Variants in SETD1B observed in about 807,000 individuals in gnomAD.
SETD1B encodes SET domain containing 1B, histone lysine methyltransferase, also known as histone-lysine N-methyltransferase SETD1B.
A neutral mutation model predicts 148.0 loss-of-function variants in SETD1B; 7 were observed. That is an observed-to-expected ratio of 0.05 (90% CI 0.03 to 0.09). The LOEUF is 0.09. Ranked by LOEUF, SETD1B falls within the 10% of genes least tolerant of loss-of-function variation. The pLI, the probability that SETD1B is intolerant of heterozygous loss-of-function variation, is 1.00. For synonymous variants in SETD1B, 1,361 were observed against 1,186.5 expected, an observed-to-expected ratio of 1.15 and a Z score of -3.02; for missense variants, 2,155 against 2,729.9, an observed-to-expected ratio of 0.79 and a Z score of 4.69.
In SETD1B at chr12:121,810,928, T is replaced by TG; in HGVS notation, c.1890+94dup. ...AAGCATTTAGCATGACTAGCTAAGA[T>TG]GCGGAAGCAATGGGGCTAGGAAAGC... On this transcript the variant is annotated intron_variant, in intron 6 of 16. Transcript: ENST00000604567. The surrounding 1 kb of genome is among the most constrained non-coding windows in gnomAD (Gnocchi z 7.6). 7.1e-7 allele frequency: 1 copy of TG among 1,402,688 alleles called. No homozygotes were observed. Among genetic ancestry groups the TG allele is most frequent in the Middle Eastern group, 2.2e-4 (1 of 4,454 alleles). The allele number at this position is 1,402,688 out of a possible 1,614,324, so 86.9% of individuals were successfully genotyped here. A position where few individuals can be genotyped will look rare whatever the true frequency, so the allele number is the denominator to read the frequency against.
the SETD1B span, chr12:121,793,385 G>A: frequency 4.8e-6 from 7 of 1,464,014 alleles, no homozygotes; most frequent in Non-Finnish European, 6.5e-6. Context: ...GGGCGCCCCG[G>A]GGTGGCGGCC....
intron 7 of SETD1B, 50 bp from the exon 8 acceptor site, chr12:121,816,983 G>C: frequency 6.9e-7 from 1 of 1,447,234 alleles, no homozygotes; most frequent in Non-Finnish European, 9.1e-7. Flanking sequence ...CTCCCTGCAA[G>C]GGTTGGTGGT....
Position 121,804,654 on chromosome 12 carries a change from T to G in SETD1B, c.-14-70T>G. The G allele has an allele frequency of 7.2e-7, 1 of 1,386,766 alleles. No individual in the cohort carries two copies. Among genetic ancestry groups the G allele is most frequent in the Non-Finnish European group, 9.8e-7 (1 of 1,020,278 alleles). 85.9% of individuals were successfully genotyped at this position (1,386,766 alleles called of 1,614,324 possible). A position where few individuals can be genotyped will look rare whatever the true frequency, so the allele number is the denominator to read the frequency against. On this transcript the variant is annotated intron_variant, in intron 1 of 16. Coordinates refer to ENST00000604567, the MANE Select transcript of SETD1B (RefSeq NM_001353345.2). The surrounding 1 kb of genome is among the most constrained non-coding windows in gnomAD (Gnocchi z 4.6). ...GGGTGGGGGCCTGCCGATTGGATTC[T>G]TTCGCGTGTGTGTAGAAGCGGCCGC...
Position 121,805,299 on chromosome 12 carries a change from C to A in SETD1B, c.273+83C>A. ...AACGCCAGTCCTGACCGAGCCCAGC[C>A]GGATTCCCAGTTCCCGCCGTCCGGG... On this transcript the variant is annotated intron_variant, in intron 3 of 16. Coordinates refer to ENST00000604567, the MANE Select transcript of SETD1B (RefSeq NM_001353345.2). The surrounding 1 kb of genome is among the most constrained non-coding windows in gnomAD (Gnocchi z 4.2). The A allele has an allele frequency of 8.2e-7, 1 of 1,214,338 alleles. No homozygotes were observed. The highest frequency in any genetic ancestry group is 1.2e-6 in the Non-Finnish European group (1 of 854,266). The allele number at this position is 1,214,338 out of a possible 1,614,324, so 75.2% of individuals were successfully genotyped here.
chr12:121,798,403 G>A, the SETD1B span, among the ~76,000 whole-genome samples: 1 of 152,228 alleles, frequency 6.6e-6, no homozygotes, highest in Non-Finnish European at 1.5e-5. Context: ...GGTGCGGGGG[G>A]AAGCTCTGAG....
At chr12:121,799,803 C>G (rs571214270), upstream of SETD1B, 1 of 151,056 alleles carries the variant, frequency 6.6e-6, no homozygotes, top group Non-Finnish European at 1.5e-5. Flanking sequence ...CAGGCCAGAG[C>G]CCCCCAAATC....
At chr12:121,803,448 G>A (rs1157916143), upstream of SETD1B, 1 of 152,222 alleles carries the variant, frequency 6.6e-6, no homozygotes, top group African/African-American at 2.4e-5. The surrounding 1 kb of genome is among the most constrained non-coding windows in gnomAD (Gnocchi z 4.7). Flanking sequence ...GAATGCTAAC[G>A]TGGTGAACCC....
At position 121,817,842 on chromosome 12, in the gene SETD1B, A is replaced by T; in HGVS notation, c.3356A>T (p.Asn1119Ile). 1 of 1,551,262 alleles carries T rather than the reference A, an allele frequency of 6.4e-7. No individual in the cohort carries two copies. The highest frequency in any genetic ancestry group is 8.7e-7 in the Non-Finnish European group (1 of 1,146,798). The change falls in exon 10 of 17, where the codon AAC (asparagine) becomes ATC (isoleucine). Residue 1119 changes from asparagine (N) to isoleucine (I), a missense_variant. Physicochemically the swap from Asn to Ile is moderately radical, Grantham distance 149 (BLOSUM62 -3). Around this residue, in one of 11 missense-constraint regions of SETD1B, gnomAD observed 862 missense variants for 873.8 expected, o/e 0.99. Coordinates refer to ENST00000604567, the MANE Select transcript of SETD1B (RefSeq NM_001353345.2). The surrounding 1 kb of genome is among the most constrained non-coding windows in gnomAD (Gnocchi z 8.1). ...AGTGATGACCGGGACGAGTCTGAGA[A>T]CGATGACGAGGACACAGCCCTGTCA... ...DDSDDRDESENDDEDTALSEA... is the reference protein window; with the variant it reads ...DDSDDRDESEIDDEDTALSEA...
Position 121,804,581 on chromosome 12 carries a change from G to A in SETD1B, c.-14-143G>A. ...CTCTCGCTCCATTCTTGTTTTGGGG[G>A]GAGCCAGCGAGACAGCTCCTTTCGG... is the stretch of plus-strand genomic sequence containing the variant. On this transcript the variant is annotated intron_variant, in intron 1 of 16. Coordinates refer to ENST00000604567, the MANE Select transcript of SETD1B (RefSeq NM_001353345.2). This position sits in a 1 kb window ranked among gnomAD's most constrained non-coding sequence, Gnocchi z 4.6. 3.1e-6 allele frequency: 2 copies of A among 650,724 alleles called. No individual in the cohort carries two copies. The highest frequency in any genetic ancestry group is 3.1e-5 in the Admixed American group (1 of 31,924). The allele number at this position is 650,724 out of a possible 1,614,324, so 40.3% of individuals were successfully genotyped here. A position where few individuals can be genotyped will look rare whatever the true frequency, so the allele number is the denominator to read the frequency against.
chr12:121,793,412 G>A, the SETD1B span: 10 of 1,508,764 alleles, frequency 6.6e-6, no homozygotes, highest in Non-Finnish European at 8.9e-6. Flanking sequence ...CCGTGCTCGG[G>A]ACGCTGGGGA....
At chr12:121,798,352 C>T in the SETD1B span, among the ~76,000 whole-genome samples, 1 of 152,246 alleles carries the variant, frequency 6.6e-6, no homozygotes, top group Non-Finnish European at 1.5e-5. Flanking sequence ...CCAGATTCCC[C>T]TTTGCCCTGA....
chr12:121,813,532 C>G (rs1429602804), intron 6 of SETD1B, among the ~76,000 whole-genome samples: 2 of 152,128 alleles, frequency 1.3e-5, no homozygotes, highest in Non-Finnish European at 2.9e-5. Flanking sequence ...GCCCCAGTTT[C>G]CTCGTGGGGC....
chr12:121,812,256 C>T (rs1446889912), intron 6 of SETD1B, among the ~76,000 whole-genome samples: 1 of 151,992 alleles, frequency 6.6e-6, no homozygotes, highest in Non-Finnish European at 1.5e-5. Context: ...GCGGGGCCAG[C>T]CGAGGGTGCA....
rs1877065699 is a variant in SETD1B, at chr12:121,830,962, A to G, written c.*723A>G. The G allele has an allele frequency of 6.6e-6, 1 of 152,402 alleles. No homozygotes were observed. The highest frequency in any genetic ancestry group is 2.1e-4 in the South Asian group (1 of 4,834). 9.4% of individuals were successfully genotyped at this position (152,402 alleles called of 1,614,324 possible). ...CTGATGGAGCTAAGCTGTCCCAGGC[A>G]GGGGTCTCCGCTCTGGGCTTTCCCT... On this transcript the variant is annotated 3_prime_UTR_variant, in exon 17 of 17. Coordinates refer to ENST00000604567, the MANE Select transcript of SETD1B (RefSeq NM_001353345.2). This position sits in a 1 kb window ranked among gnomAD's most constrained non-coding sequence, Gnocchi z 5.7.
chr12:121,814,354 G>GGCTTC lies in SETD1B; in HGVS notation c.2139_2140insGCTTC (p.Pro714AlafsTer12). On this transcript the variant is annotated frameshift_variant, in exon 7 of 17. Coordinates refer to ENST00000604567, the MANE Select transcript of SETD1B (RefSeq NM_001353345.2). LOFTEE classifies it high-confidence loss of function. ...TGCCCCCACCGCTGCCCCCACCGCCGCCCCCACCCCCTCCAGCCCACCCTG... is the reference window on the plus strand; with the variant it reads ...TGCCCCCACCGCTGCCCCCACCGCCGGCTTCCCCCCACCCCCTCCAGCCCACCCTG... 1 of 372,042 alleles carries GGCTTC rather than the reference G, an allele frequency of 2.7e-6. No individual in the cohort carries two copies. 23.0% of individuals were successfully genotyped at this position (372,042 alleles called of 1,614,324 possible).
At chr12:121,793,603 CG>C in the SETD1B span, 3 of 1,550,658 alleles carry the variant, frequency 1.9e-6, no homozygotes, top group Non-Finnish European at 2.6e-6. Context: ...CCGGGGGCGG[CG>C]GTCTGGGCCA....
At position 121,817,505 on chromosome 12, in the gene SETD1B, A is replaced by AGGAGTCATTGTC; in HGVS notation, c.3116_3127dup (p.Glu1039_Ser1042dup). On this transcript the variant is annotated inframe_insertion, in exon 9 of 17. Transcript: ENST00000604567. This position sits in a 1 kb window ranked among gnomAD's most constrained non-coding sequence, Gnocchi z 8.1. ...GACAGTGGTGGGGAGGAGGACGAGA[A>AGGAGTCATTGTC]GGAGTCATTGTCGGCGTCCTCGTCC... 1 of 1,551,298 alleles carries AGGAGTCATTGTC rather than the reference A, an allele frequency of 6.4e-7. No homozygotes were observed. The highest frequency in any genetic ancestry group is 2.4e-5 in the East Asian group (1 of 40,912).
At chr12:121,824,505 G>C (rs948691001) in intron 12 of SETD1B, among the ~76,000 whole-genome samples, 2 of 151,976 alleles carry the variant, frequency 1.3e-5, no homozygotes, top group African/African-American at 4.8e-5. Context: ...AAATTAGCCG[G>C]GTGTGGTAGC....
At position 121,817,404 on chromosome 12, in the gene SETD1B, C is replaced by T. The variant is rs1302646390; in HGVS notation, c.3012C>T (p.Asp1004=). 2 of 1,532,104 alleles carry T rather than the reference C, an allele frequency of 1.3e-6. No homozygotes were observed. Among genetic ancestry groups the T allele is most frequent in the Admixed American group, 2.0e-5 (1 of 50,104 alleles). The allele number at this position is 1,532,104 out of a possible 1,614,324, so 94.9% of individuals were successfully genotyped here. ...GAGAGCGAGACCGGGATATGGCAGA[C>T]ACCCCCTGTGAGCTCGCCAAGCGGG... ...SERERDRDMA[D]TPCELAKRDP... is the part of the protein sequence containing the mutation. The change falls in exon 9 of 17, where the codon GAC becomes GAT. Residue 1004 remains aspartate, a synonymous_variant. Transcript: ENST00000604567. The surrounding 1 kb of genome is among the most constrained non-coding windows in gnomAD (Gnocchi z 8.1).
Sources: allele counts gnomAD v4.1 joint callset (sites outside exome capture counted in the v4.1 genomes callset), GRCh38; gene constraint gnomAD v4.1.1; regional missense constraint gnomAD v4.1.1; non-coding constraint Gnocchi (gnomAD v3.1); transcripts MANE v1.5; gene names NCBI Gene and HGNC (gene_info 2026-07-23, HGNC 2026-07-21).